Variants in ABCA7 observed in about 807,000 individuals in gnomAD.
The protein encoded by ABCA7 is phospholipid-transporting ATPase ABCA7.
Under a neutral mutation model 227.6 loss-of-function variants are expected in ABCA7, and 261 were observed. The ratio of observed to expected loss-of-function variants is 1.15; its 90% CI spans 1.04 to 1.27. ABCA7 has a LOEUF of 1.27. Among genes scored for constraint, ABCA7 ranks in the 50% most tolerant of loss-of-function variants. The pLI, the probability that ABCA7 is intolerant of heterozygous loss-of-function variation, is 0.00. For missense variants in ABCA7, 3,331 were observed against 2,924.5 expected (o/e 1.14, Z -3.21); for synonymous variants, 1,488 against 1,279.7 (o/e 1.16, Z -3.47).
At chr19:1,058,309 G>C (rs1157799752) in intron 37 of ABCA7, 40 bp downstream of exon 37, 2 of 1,609,472 alleles carry the variant, frequency 1.2e-6, no homozygotes, top group East Asian at 2.2e-5. Flanking sequence ...GCTACAGATA[G>C]CTAGCACCCT....
rs766318027 is a variant in ABCA7, at chr19:1,053,460, C to T, written c.3352C>T (p.Arg1118Ter). 1.2e-5 allele frequency: 19 copies of T among 1,599,340 alleles called. No homozygotes were observed. The highest frequency in any genetic ancestry group is 1.7e-4 in the Middle Eastern group (1 of 5,968). Residue 1118 changes from arginine to a stop codon, truncating the protein, a stop_gained, in exon 24 of 47, where the codon CGA becomes TGA. Transcript: ENST00000263094. LOFTEE classifies it high-confidence loss of function. Reference sequence around the variant, plus strand: ...TGACGGCAGCTTCGCCACACTCTTCCGAGAGCTAGACACGCGGCTGGCGGA... The same window carrying T: ...TGACGGCAGCTTCGCCACACTCTTCTGAGAGCTAGACACGCGGCTGGCGGA... ...AHDGSFATLF[R>*]ELDTRLAELR...
rs1442619001 is a variant in ABCA7 at position 1,051,198 on chromosome 19, G to A, written c.2728G>A (p.Gly910Ser). ...CGTCTGGTTCTATGGGCGGCTGAAG[G>A]GTCTGAGTGCCGCTGTAGTGGGCCC... ...EHVWFYGRLK[G>S]LSAAVVGPEQ... is the part of the protein sequence containing the mutation. The change falls in exon 20 of 47, where the codon GGT (glycine) becomes AGT (serine). Residue 910 changes from glycine (G) to serine (S), a missense_variant. Coordinates refer to ENST00000263094, the MANE Select transcript of ABCA7 (RefSeq NM_019112.4). 1 of 1,611,310 alleles carries A rather than the reference G, an allele frequency of 6.2e-7. No individual in the cohort carries two copies. The highest frequency in any genetic ancestry group is 2.2e-5 in the East Asian group (1 of 44,892).
At chr19:1,045,611 T>G (rs2040550533) in intron 12 of ABCA7, 1 of 237,432 alleles carries the variant, frequency 4.2e-6, no homozygotes, top group Non-Finnish European at 8.4e-6. Context: ...GAGAATCTCT[T>G]GAGGACAGGT....
In ABCA7 at chr19:1,041,222, C is replaced by T; in HGVS notation, c.-137-3C>T. ...TGACTACTGTTTGCCTCGCTCTAATCAGAGCTTCCAGGAACCCTGCGCTGT... is the reference window on the plus strand; with the variant it reads ...TGACTACTGTTTGCCTCGCTCTAATTAGAGCTTCCAGGAACCCTGCGCTGT... On this transcript the variant is annotated splice_region_variant and splice_polypyrimidine_tract_variant and intron_variant, in intron 1 of 46. Coordinates refer to ENST00000263094, the MANE Select transcript of ABCA7 (RefSeq NM_019112.4). 1.1e-6 allele frequency: 1 copy of T among 881,308 alleles called. No homozygotes were observed. Among genetic ancestry groups the T allele is most frequent in the Non-Finnish European group, 1.9e-6 (1 of 534,980 alleles). 54.6% of individuals were successfully genotyped at this position (881,308 alleles called of 1,614,324 possible).
In ABCA7 at chr19:1,044,731, G is replaced by A; in HGVS notation, c.1202G>A (p.Gly401Asp). 4 of 1,607,856 alleles carry A rather than the reference G, an allele frequency of 2.5e-6. No individual in the cohort carries two copies. Among genetic ancestry groups the A allele is most frequent in the Admixed American group, 1.7e-5 (1 of 59,220 alleles). The change falls in exon 11 of 47, where the codon GGC (glycine) becomes GAC (aspartate). Residue 401 changes from glycine (G) to aspartate (D), a missense_variant. By Grantham distance (94) the Gly-to-Asp change is moderately conservative (BLOSUM62 -1). Transcript: ENST00000263094. ...ADVGHLVGTL[G>D]RVTECLSLDK... ...GTGGGGCACCTGGTGGGCACGCTGG[G>A]CCGAGTGACGGAGGTGAGGGCCTGT...
intron 16 of ABCA7, among the ~76,000 whole-genome samples, chr19:1,048,510 CA>C (rs76143039): frequency 7.7e-5 from 4 of 52,156 alleles, no homozygotes; most frequent in Non-Finnish European, 1.1e-4. Flanking sequence ...AAAAAAAAAA[CA>C]AAAAAAAAAA....
At position 1,064,934 on chromosome 19, in the gene ABCA7, C is replaced by T; in HGVS notation, c.6048C>T (p.Phe2016=). 6.5e-7 allele frequency: 1 copy of T among 1,549,576 alleles called. No homozygotes were observed. Among genetic ancestry groups the T allele is most frequent in the Non-Finnish European group, 8.7e-7 (1 of 1,147,828 alleles). ...LGSPQHLKGR[F]AAGHTLTLRV... ...GCCCTGGCCCCACTCACTGCAGATT[C>T]GCGGCGGGTCACACACTGACCCTGC... Residue 2016 remains phenylalanine, a synonymous_variant, in exon 46 of 47, where the codon TTC becomes TTT. Transcript: ENST00000263094.
intron 16 of ABCA7, 47 bp downstream of exon 16, chr19:1,047,701 C>T (rs766685983): frequency 2.8e-6 from 4 of 1,453,028 alleles, no homozygotes; most frequent in African/African-American, 2.9e-5. Flanking sequence ...ACCTGCTTTG[C>T]GGGAGGCTGA....
At position 1,042,163 on chromosome 19, in the gene ABCA7, T is replaced by A. The variant is rs547528278; in HGVS notation, c.402T>A (p.Ala134=). The A allele has an allele frequency of 1.2e-6, 2 of 1,600,676 alleles. No homozygotes were observed. Among genetic ancestry groups the A allele is most frequent in the East Asian group, 4.5e-5 (2 of 44,786 alleles). The change falls in exon 5 of 47, where the codon GCT becomes GCA. Residue 134 remains alanine, a synonymous_variant. Coordinates refer to ENST00000263094, the MANE Select transcript of ABCA7 (RefSeq NM_019112.4). ...GGAAGCTGATCGCCACGCTGAGGGC[T>A]GCACGCAGCACGGGTGAGGAGGCCG... ...GLGKLIATLR[A]ARSTAQPQPT...
chr19:1,062,608 C>G (rs2042734135), intron 42 of ABCA7, among the ~76,000 whole-genome samples: 1 of 152,028 alleles, frequency 6.6e-6, no homozygotes, highest in Non-Finnish European at 1.5e-5. Context: ...GTGGCCCTGC[C>G]CACTTGCTCC....
rs1195249441 is a variant in ABCA7, at chr19:1,058,650, G to C, written c.5182G>C (p.Glu1728Gln). Residue 1728 changes from glutamate (E) to glutamine (Q), a missense_variant, in exon 38 of 47, where the codon GAG (glutamate) becomes CAG (glutamine). By Grantham distance (29) the Glu-to-Gln change is conservative (BLOSUM62 2). Transcript: ENST00000263094. ...DRQFQSPLRWEVVGKNLLAMV... is the reference protein window; with the variant it reads ...DRQFQSPLRWQVVGKNLLAMV... ...GCAGTTCCAGTCACCCCTGCGCTGGGAGGTGGTCGGCAAGAACCTCTTGGC... is the reference window on the plus strand; with the variant it reads ...GCAGTTCCAGTCACCCCTGCGCTGGCAGGTGGTCGGCAAGAACCTCTTGGC... 1 of 1,613,972 alleles carries C rather than the reference G, an allele frequency of 6.2e-7. No individual in the cohort carries two copies. The highest frequency in any genetic ancestry group is 2.2e-5 in the East Asian group (1 of 44,880).
At chr19:1,064,094 C>G in intron 44 of ABCA7, 67 bp from the exon 45 acceptor site, 1 of 1,467,186 alleles carries the variant, frequency 6.8e-7, no homozygotes, top group South Asian at 1.3e-5. Flanking sequence ...CCGGGGGAAG[C>G]AGGCAGTGTG....
Position 1,041,447 on chromosome 19 carries a change from C to G in ABCA7, c.66+20C>G, listed in dbSNP as rs1263873372. ...CAGCCGGTAACGCCCCAGTGTGAGA[C>G]CAGGGCCGGGTGGGCAGGCAGCCCC... On this transcript the variant is annotated intron_variant, in intron 2 of 46. Transcript: ENST00000263094. 1.2e-6 allele frequency: 2 copies of G among 1,613,974 alleles called. No homozygotes were observed. Among genetic ancestry groups the G allele is most frequent in the South Asian group, 2.2e-5 (2 of 91,086 alleles).
chr19:1,046,751 G>T (rs1471976906), intron 13 of ABCA7, 51 bp from the exon 14 acceptor site: 4 of 1,502,112 alleles, frequency 2.7e-6, no homozygotes, highest in East Asian at 2.5e-5. Flanking sequence ...GTGGGCGGAG[G>T]GGGGGTCTGC....
intron 6 of ABCA7, 113 bp downstream of exon 6, chr19:1,042,510 C>A: frequency 7.4e-7 from 1 of 1,353,726 alleles, no homozygotes; most frequent in African/African-American, 1.4e-5. Context: ...CAGGCTGTCC[C>A]TGGTCTCTGC....
Position 1,047,371 on chromosome 19 carries a change from T to G in ABCA7, c.2060T>G (p.Val687Gly), listed in dbSNP as rs2040803905. 1 of 1,567,684 alleles carries G rather than the reference T, an allele frequency of 6.4e-7. No individual in the cohort carries two copies. Among genetic ancestry groups the G allele is most frequent in the African/African-American group, 1.4e-5 (1 of 73,660 alleles). Residue 687 changes from valine (V) to glycine (G), a missense_variant, in exon 15 of 47, where the codon GTG becomes GGG. By Grantham distance (109) the Val-to-Gly change is moderately radical (BLOSUM62 -3). Coordinates refer to ENST00000263094, the MANE Select transcript of ABCA7 (RefSeq NM_019112.4). ...WRDRLPAGGRVAASLLSPVAF... is the reference protein window; with the variant it reads ...WRDRLPAGGRGAASLLSPVAF... ...GACCGGCTGCCCGCGGGTGGCCGCG[T>G]GGCCGCGGTGAGAGCCGGGTCGGGC...
In ABCA7 at chr19:1,058,986, G is replaced by A. The variant is rs1439740717; in HGVS notation, c.5401-37G>A. ...TGCTGGGTGGGGGGTGCTCCCACTG[G>A]CCCACTCACCTTTCTGAAAGACCTG... On this transcript the variant is annotated intron_variant, in intron 39 of 46. Coordinates refer to ENST00000263094, the MANE Select transcript of ABCA7 (RefSeq NM_019112.4). 2.5e-6 allele frequency: 4 copies of A among 1,613,424 alleles called. No homozygotes were observed. In the South Asian group the frequency reaches 3.3e-5, roughly 13 times the overall value.
rs531696487 is a variant in ABCA7 at position 1,047,117 on chromosome 19, AT to A, written c.1846-39del. The stretch of plus-strand genomic sequence containing the variant: ...CACGTGGGTGCGCGCCCCCAGGCCA[AT>A]CCAGGAGCTGCACCCTAAGCTCCCG... On this transcript the variant is annotated intron_variant, in intron 14 of 46. Coordinates refer to ENST00000263094, the MANE Select transcript of ABCA7 (RefSeq NM_019112.4). The A allele has an allele frequency of 4.9e-4, 777 of 1,573,724 alleles. 4 individuals are homozygous for A. The African/African-American group carries it at 9.2e-3, about 19-fold the overall frequency.
chr19:1,065,343 T>G lies in ABCA7; in HGVS notation c.6359T>G (p.Val2120Gly), dbSNP rs1456749940. Residue 2120 changes from valine to glycine, a missense_variant, in exon 47 of 47, where the codon GTG becomes GGG. By Grantham distance (109) the Val-to-Gly change is moderately radical (BLOSUM62 -3). Coordinates refer to ENST00000263094, the MANE Select transcript of ABCA7 (RefSeq NM_019112.4). ...GAGCAGAAGGAGGCAGGAGTGGGAG[T>G]GGACCCCGCGCCAGGCCTGCAGCAC... The part of the protein sequence containing the change: ...TEEQKEAGVG[V>G]DPAPGLQHPK... 7.4e-6 allele frequency: 12 copies of G among 1,612,722 alleles called. No individual in the cohort carries two copies. Among genetic ancestry groups the G allele is most frequent in the Non-Finnish European group, 1.0e-5 (12 of 1,179,762 alleles).
Sources: allele counts gnomAD v4.1 joint callset (sites outside exome capture counted in the v4.1 genomes callset), GRCh38; gene constraint gnomAD v4.1.1; transcripts MANE v1.5; gene names NCBI Gene and HGNC (gene_info 2026-07-23, HGNC 2026-07-21).